TSEN34: variants seen among roughly 807,000 people sequenced by gnomAD.
TSEN34 encodes the protein tRNA-splicing endonuclease subunit Sen34.
In TSEN34, 25 loss-of-function variants were observed where a neutral mutation model predicts 30.2. That is an observed-to-expected ratio of 0.83 (90% CI 0.60 to 1.16). TSEN34 has a LOEUF of 1.16. Ranked by LOEUF, TSEN34 falls within the 50% of genes most tolerant of loss-of-function variation. The pLI, the probability that TSEN34 is intolerant of heterozygous loss-of-function variation, is 0.00. For synonymous variants in TSEN34, 209 were observed against 177.4 expected (o/e 1.18, Z -1.41); for missense variants, 475 against 411.9 (o/e 1.15, Z -1.33).
At chr19:54,190,679 C>G, upstream of TSEN34, 1 of 1,238,978 alleles carries the variant, frequency 8.1e-7, no homozygotes, top group Non-Finnish European at 1.0e-6. Context: ...AACACCCGAA[C>G]GTCAAATTGC....
Position 54,191,741 on chromosome 19 carries a change from C to T in TSEN34, c.264C>T (p.Arg88=). The T allele has an allele frequency of 1.9e-6, 3 of 1,614,096 alleles. No individual in the cohort carries two copies. Among genetic ancestry groups the T allele is most frequent in the Non-Finnish European group, 2.5e-6 (3 of 1,180,026 alleles). Residue 88 remains arginine, a synonymous_variant, in exon 2 of 4, where the codon CGC becomes CGT. Transcript: ENST00000396388. ...CTCAGGCCCTGACATCCTTCAAGCG[C>T]CAGCAAGAGGAGAGCTTCCAGGAGC... ...HHSLALTSFK[R]QQEESFQEQS... is the part of the protein sequence containing the mutation.
upstream of TSEN34, chr19:54,191,076 G>A: frequency 7.8e-7 from 1 of 1,289,904 alleles, no homozygotes. Context: ...GGTGCCGACC[G>A]CAGGGTCACA....
At chr19:54,190,199 G>C (rs977747642), upstream of TSEN34, 1 of 628,298 alleles carries the variant, frequency 1.6e-6, no homozygotes, top group African/African-American at 1.9e-5. Context: ...TGGCCCCCGC[G>C]GGAGGAGGGC....
chr19:54,193,097 C>G lies in TSEN34; in HGVS notation c.746-78C>G. The G allele has an allele frequency of 1.9e-6, 3 of 1,597,156 alleles. No individual in the cohort carries two copies. The South Asian group carries it at 3.3e-5, about 18-fold the overall frequency. ...AGTGATGGCTGAAATGATCTCAGAT[C>G]TCCTCCCAGTGGTCGTTCCCGTGGC... On this transcript the variant is annotated intron_variant, in intron 3 of 3. Transcript: ENST00000396388.
chr19:54,193,323 G>A lies in TSEN34; in HGVS notation c.894G>A (p.Lys298=), dbSNP rs1346038044. The change falls in exon 4 of 4, where the codon AAG becomes AAA. Residue 298 remains lysine, a synonymous_variant. Transcript: ENST00000396388. ...LLLCSPQPDG[K]VVYTSLQWAS... ...TCTGTTCTCCGCAGCCTGATGGTAA[G>A]GTGGTCTACACCTCCCTGCAATGGG... The A allele has an allele frequency of 1.9e-6, 3 of 1,614,070 alleles. No individual in the cohort carries two copies. The highest frequency in any genetic ancestry group is 2.7e-5 in the African/African-American group (2 of 74,910).
chr19:54,192,865 C>T (rs111264711), intron 3 of TSEN34, among the ~76,000 whole-genome samples: 1 of 151,960 alleles, frequency 6.6e-6, no homozygotes, highest in Non-Finnish European at 1.5e-5. Context: ...ACTAACTGGG[C>T]GTGGTGGTGG....
At chr19:54,192,930 A>G (rs1178154104) in intron 3 of TSEN34, among the ~76,000 whole-genome samples, 1 of 146,112 alleles carries the variant, frequency 6.8e-6, no homozygotes, top group Non-Finnish European at 1.5e-5. Context: ...ATGTGAACCC[A>G]GGGGGCAGAG....
chr19:54,191,515 C>T lies in TSEN34; in HGVS notation c.151C>T (p.Leu51=). Residue 51 remains leucine (L), a synonymous_variant, in exon 1 of 4, where the codon CTG becomes TTG. Transcript: ENST00000396388. ...RQNSRLGLPL[L]LMPEEARLLA... is the part of the protein sequence containing the mutation. The stretch of plus-strand genomic sequence containing the variant: ...GAACTCGCGCCTGGGCCTCCCGCTG[C>T]TGCTGATGCCCGAAGAGGCGCGGCT... 1 of 1,592,540 alleles carries T rather than the reference C, an allele frequency of 6.3e-7. No individual in the cohort carries two copies. Among genetic ancestry groups the T allele is most frequent in the Non-Finnish European group, 8.5e-7 (1 of 1,174,568 alleles).
At chr19:54,192,456 T>C in intron 3 of TSEN34, 83 bp downstream of exon 3, 1 of 1,313,732 alleles carries the variant, frequency 7.6e-7, no homozygotes, top group South Asian at 1.2e-5. Flanking sequence ...TTTTTTTTTT[T>C]GTCTTAATAG....
At chr19:54,190,436 G>T (rs2076623169), upstream of TSEN34, 8 of 1,442,814 alleles carry the variant, frequency 5.5e-6, no homozygotes, top group South Asian at 8.6e-5. Flanking sequence ...GGCGGACTGA[G>T]CGCTCCCAAT....
upstream of TSEN34, chr19:54,191,066 G>C: frequency 7.8e-7 from 1 of 1,280,606 alleles, no homozygotes; most frequent in Non-Finnish European, 9.9e-7. Context: ...GCACAGAGCG[G>C]GTGCCGACCG....
At chr19:54,190,044 G>A (rs2076604231), upstream of TSEN34, 15 of 533,066 alleles carry the variant, frequency 2.8e-5, 1 homozygote, top group South Asian at 3.4e-4. Context: ...AAGGGGGCGG[G>A]GCGAAAGCGA....
chr19:54,190,839 AGAG>A, upstream of TSEN34: 2 of 1,054,584 alleles, frequency 1.9e-6, no homozygotes, highest in Non-Finnish European at 2.3e-6. Flanking sequence ...TCGTTCGGAA[AGAG>A]GAGGAGCGAA....
chr19:54,190,669 A>G (rs1027517553), upstream of TSEN34: 20 of 1,246,082 alleles, frequency 1.6e-5, no homozygotes, highest in Non-Finnish European at 2.0e-5. Context: ...CCGAGCCGAG[A>G]ACACCCGAAC....
chr19:54,191,281 C>A, upstream of TSEN34: 14 of 1,537,178 alleles, frequency 9.1e-6, no homozygotes, highest in South Asian at 1.2e-5. Context: ...TTCGCCGAGA[C>A]CCCGGAGGCT....
rs2076817769 is a variant in TSEN34 at position 54,194,335 on chromosome 19, AGTGGT to A, written c.*975_*979del. 7 of 103,636 alleles carry A rather than the reference AGTGGT, an allele frequency of 6.8e-5. No homozygotes were observed. The highest frequency in any genetic ancestry group is 3.1e-4 in the African/African-American group (7 of 22,510). 6.4% of individuals were successfully genotyped at this position (103,636 alleles called of 1,614,324 possible). On this transcript the variant is annotated 3_prime_UTR_variant, in exon 4 of 4. Coordinates refer to ENST00000396388, the MANE Select transcript of TSEN34 (RefSeq NM_001077446.4). The stretch of plus-strand genomic sequence containing the variant: ...CGTTCTGCTTTTTCATGGCCTGGGT[AGTGGT>A]GAATTTTTTTGATACTGTATATTTA...
At chr19:54,189,533 A>C (rs1314327720), upstream of TSEN34, 2 of 152,590 alleles carry the variant, frequency 1.3e-5, no homozygotes, top group African/African-American at 4.8e-5. Context: ...CCCGGAGCAG[A>C]AGCCGAGAGC....
chr19:54,190,417 A>T (rs2076622178), upstream of TSEN34: 18 of 1,454,490 alleles, frequency 1.2e-5, no homozygotes, highest in Non-Finnish European at 1.5e-5. Flanking sequence ...TTCTGAAGGG[A>T]GGCAAGGAGG....
Position 54,193,836 on chromosome 19 carries a change from C to G in TSEN34, c.*474C>G, listed in dbSNP as rs2076798050. On this transcript the variant is annotated 3_prime_UTR_variant, in exon 4 of 4. Coordinates refer to ENST00000396388, the MANE Select transcript of TSEN34 (RefSeq NM_001077446.4). ...TTTTTCTGACTCCTAAATCTGCACT[C>G]TTTCTACCTCACTAAACTTCCTTTT... 3.3e-6 allele frequency: 2 copies of G among 601,464 alleles called. No homozygotes were observed. The highest frequency in any genetic ancestry group is 5.9e-6 in the Non-Finnish European group (2 of 338,730). The allele number at this position is 601,464 out of a possible 1,614,324, so 37.3% of individuals were successfully genotyped here. A position where few individuals can be genotyped will look rare whatever the true frequency, so the allele number is the denominator to read the frequency against.
Sources: gnomAD v4.1 joint callset for allele counts (sites outside exome capture counted in the v4.1 genomes callset) on GRCh38, gnomAD v4.1.1 for gene constraint, MANE v1.5 for transcripts, NCBI Gene and HGNC (gene_info 2026-07-23, HGNC 2026-07-21) for gene names.